Variants in CMSS1 observed in about 807,000 individuals in gnomAD.
CMSS1 encodes cms1 ribosomal small subunit homolog.
CMSS1 carries 33 observed loss-of-function variants against 43.5 expected under a neutral mutation model. That is an observed-to-expected ratio of 0.76 (90% CI 0.57 to 1.01). The LOEUF is 1.01. Ranked by LOEUF, CMSS1 falls within the 50% of genes least tolerant of loss-of-function variation. The pLI is 0.00. For missense variants in CMSS1, 313 were observed against 326.4 expected, an observed-to-expected ratio of 0.96 and a Z score of 0.32; for synonymous variants, 115 against 117.2, an observed-to-expected ratio of 0.98 and a Z score of 0.12.
At chr3:99,930,071 C>G in intron 1 of CMSS1, 2 of 1,505,668 alleles carry the variant, frequency 1.3e-6, no homozygotes, top group Non-Finnish European at 1.8e-6. Context: ...GCTGTCTCTA[C>G]CAGCAGTCTC....
intron 1 of CMSS1, among the ~76,000 whole-genome samples, chr3:100,044,218 A>G (rs921931306): frequency 6.6e-6 from 1 of 152,234 alleles, no homozygotes; most frequent in African/African-American, 2.4e-5. Context: ...AGCGTCTTCT[A>G]TGTGCCAGGC....
intron 1 of CMSS1, among the ~76,000 whole-genome samples, chr3:100,093,755 A>G (rs1029208234): frequency 6.6e-6 from 1 of 152,204 alleles, no homozygotes; most frequent in African/African-American, 2.4e-5. Context: ...CTCAATTTAT[A>G]TAATTTTGTC....
chr3:99,830,721 G>A, intron 1 of CMSS1: 1 of 395,210 alleles, frequency 2.5e-6, no homozygotes, highest in East Asian at 7.2e-5. Context: ...CCAGTTTCTG[G>A]GGATGTATCA....
intron 1 of CMSS1, chr3:100,023,316 C>T (rs2064859126): frequency 2.0e-5 from 3 of 152,632 alleles, no homozygotes; most frequent in African/African-American, 7.2e-5. Flanking sequence ...TTTATGCAAA[C>T]AGAGCCTGGC....
At chr3:100,107,995 A>G (rs902270591) in intron 1 of CMSS1, among the ~76,000 whole-genome samples, 3 of 151,988 alleles carry the variant, frequency 2.0e-5, no homozygotes, top group Non-Finnish European at 4.4e-5. Flanking sequence ...TTAATAATCA[A>G]TTTTCTGGGA....
At chr3:100,135,481 TGTGTGTGTG>T (rs2066745765) in intron 1 of CMSS1, among the ~76,000 whole-genome samples, 1 of 149,690 alleles carries the variant, frequency 6.7e-6, no homozygotes, top group Non-Finnish European at 1.5e-5. Context: ...TGTGTGTGTG[TGTGTGTGTG>T]TTTAAGAGAC....
intron 6 of CMSS1, among the ~76,000 whole-genome samples, chr3:100,169,254 C>T (rs1264489680): frequency 1.3e-5 from 2 of 152,212 alleles, no homozygotes; most frequent in Non-Finnish European, 2.9e-5. Flanking sequence ...TAAGGGCTTG[C>T]ACATACGTTT....
rs1399730419 is a variant in CMSS1 at position 99,983,506 on chromosome 3, A to G, written c.65-163467A>G. Among the ~76,000 whole-genome samples, 73 of 97,824 alleles carry G rather than the reference A, an allele frequency of 7.5e-4. No homozygotes were observed. In the South Asian group the frequency reaches 0.011, roughly 15 times the overall value. 64.2% of individuals were successfully genotyped at this position (97,824 alleles called of 152,430 possible). ...TATATATATATATATATATATATAT[A>G]TATGTATATATATACACACACAAAA... On this transcript the variant is annotated intron_variant, in intron 1 of 9. Transcript: ENST00000421999.
chr3:99,891,123 A>C (rs1281482617), intron 1 of CMSS1, among the ~76,000 whole-genome samples: 2 of 151,410 alleles, frequency 1.3e-5, no homozygotes, highest in African/African-American at 2.4e-5. Context: ...CTAGCTTGTT[A>C]GTATACCTTC....
intron 1 of CMSS1, among the ~76,000 whole-genome samples, chr3:100,080,723 T>C (rs1024582453): frequency 4.6e-5 from 7 of 152,224 alleles, no homozygotes; most frequent in Non-Finnish European, 1.0e-4. Context: ...TTCTTGGTCA[T>C]ATCAGCTAAT....
At chr3:99,830,777 C>T (rs1576492415) in intron 1 of CMSS1, among the ~76,000 whole-genome samples, 1 of 152,096 alleles carries the variant, frequency 6.6e-6, no homozygotes, top group East Asian at 1.9e-4. Context: ...GTAAAGTAAT[C>T]TGGTGTGTGT....
At chr3:99,917,248 C>T (rs1282361394) in intron 1 of CMSS1, among the ~76,000 whole-genome samples, 1 of 152,156 alleles carries the variant, frequency 6.6e-6, no homozygotes, top group Non-Finnish European at 1.5e-5. Context: ...CACAGTGTTG[C>T]AACAGTGGTG....
chr3:99,925,032 A>G (rs1707247745), intron 1 of CMSS1, among the ~76,000 whole-genome samples: 1 of 152,204 alleles, frequency 6.6e-6, no homozygotes, highest in Non-Finnish European at 1.5e-5. Flanking sequence ...AAGAAATGAC[A>G]GGAAGTAAGA....
At chr3:100,156,027 C>G (rs1192568303) in intron 2 of CMSS1, among the ~76,000 whole-genome samples, 1 of 152,090 alleles carries the variant, frequency 6.6e-6, no homozygotes, top group Non-Finnish European at 1.5e-5. Flanking sequence ...GGCTTTCAAT[C>G]TGGAGTTTTA....
chr3:100,036,845 G>A (rs926923763), intron 1 of CMSS1, among the ~76,000 whole-genome samples: 7 of 152,162 alleles, frequency 4.6e-5, no homozygotes, highest in Admixed American at 6.5e-5. Context: ...TTGACATCTT[G>A]TGCTTCTTGA....
chr3:99,835,165 G>A (rs868780489), intron 1 of CMSS1, among the ~76,000 whole-genome samples: 5 of 152,088 alleles, frequency 3.3e-5, no homozygotes, highest in Non-Finnish European at 7.4e-5. Flanking sequence ...GTTGCTAAGG[G>A]TGGGAGTTAA....
At chr3:99,881,579 T>C (rs1297124269) in intron 1 of CMSS1, among the ~76,000 whole-genome samples, 1 of 152,002 alleles carries the variant, frequency 6.6e-6, no homozygotes, top group Non-Finnish European at 1.5e-5. Flanking sequence ...GTTGCCCAGA[T>C]TGGAGTGCAG....
At chr3:100,172,245 G>A (rs768726460) in intron 7 of CMSS1, 71 bp from the exon 8 acceptor site, 112 of 1,330,602 alleles carry the variant, frequency 8.4e-5, no homozygotes, top group Non-Finnish European at 1.2e-4. Flanking sequence ...GAGATAAAAT[G>A]TTCTAAATTG....
At chr3:100,129,056 G>C (rs1339704644) in intron 1 of CMSS1, among the ~76,000 whole-genome samples, 2 of 152,066 alleles carry the variant, frequency 1.3e-5, no homozygotes, top group East Asian at 3.9e-4. Context: ...AGTATCATGA[G>C]ATAACTCCCA....
Sources: gnomAD v4.1 joint callset for allele counts (sites outside exome capture counted in the v4.1 genomes callset) on GRCh38, gnomAD v4.1.1 for gene constraint, MANE v1.5 for transcripts, NCBI Gene and HGNC (gene_info 2026-07-23, HGNC 2026-07-21) for gene names.